PIK3CA: variants seen among roughly 807,000 people sequenced by gnomAD.
PIK3CA encodes the protein phosphatidylinositol 4,5-bisphosphate 3-kinase catalytic subunit alpha isoform.
PIK3CA carries 27 observed loss-of-function variants against 138.2 expected under a neutral mutation model. The ratio of observed to expected loss-of-function variants is 0.20; its 90% CI spans 0.14 to 0.27. PIK3CA has a LOEUF of 0.27. PIK3CA is among the 10% of genes least tolerant of loss of function. The probability of loss-of-function intolerance (pLI) is 1.00; values close to 1 mark genes in which losing one functional copy is unlikely to be tolerated. For missense variants in PIK3CA, 544 were observed against 1,277.4 expected, an observed-to-expected ratio of 0.43 and a Z score of 8.75; for synonymous variants, 358 against 413.2, an observed-to-expected ratio of 0.87 and a Z score of 1.62.
intron 6 of PIK3CA, among the ~76,000 whole-genome samples, chr3:179,209,002 A>ATATT (rs1553821940): frequency 0.052 from 7,663 of 146,938 alleles, 216 homozygotes; most frequent in Non-Finnish European, 0.057. Context: ...GAAATAATAA[A>ATATT]TATATATTTA....
chr3:179,227,399 A>T (rs572568361), intron 17 of PIK3CA, among the ~76,000 whole-genome samples: 2 of 152,210 alleles, frequency 1.3e-5, no homozygotes, highest in African/African-American at 4.8e-5. Flanking sequence ...AGAAAGAATG[A>T]GCAGGAGTAC....
At position 179,230,597 on chromosome 3, in the gene PIK3CA, A is replaced by G. The variant is rs3729694; in HGVS notation, c.2936+221A>G. Reference sequence around the variant, plus strand: ...AGAGAGAATTCATGTCTACAAAAAAATTTAAAAAGTAGCCAGGCGTGGTGG... The same window carrying G: ...AGAGAGAATTCATGTCTACAAAAAAGTTTAAAAAGTAGCCAGGCGTGGTGG... On this transcript the variant is annotated intron_variant, in intron 20 of 20. Transcript: ENST00000263967. This position sits in a 1 kb window ranked among gnomAD's most constrained non-coding sequence, Gnocchi z 5.4. Among the ~76,000 whole-genome samples the G allele has an allele frequency of 6.6e-6, 1 of 151,914 alleles. No homozygotes were observed. The highest frequency in any genetic ancestry group is 2.4e-5 in the African/African-American group (1 of 41,316).
At chr3:179,149,206 C>G (rs1722943048) in intron 1 of PIK3CA, among the ~76,000 whole-genome samples, 1 of 152,170 alleles carries the variant, frequency 6.6e-6, no homozygotes, top group African/African-American at 2.4e-5. Context: ...TTCCTTTTAG[C>G]TGAGACAAAC....
In PIK3CA at chr3:179,229,284, T is replaced by C. The variant is rs2108422421; in HGVS notation, c.2508T>C (p.Tyr836=). 7.4e-6 allele frequency: 12 copies of C among 1,611,120 alleles called. No individual in the cohort carries two copies. Among genetic ancestry groups the C allele is most frequent in the East Asian group, 2.2e-5 (1 of 44,810 alleles). ...NQGLDLRMLP[Y]GCLSIGDCVG... is the part of the protein sequence containing the mutation. ...ACTCCTCTTTCAGAATGTTACCTTA[T>C]GGTTGTCTGTCAATCGGTGACTGTG... Residue 836 remains tyrosine (Y), a synonymous_variant, in exon 18 of 21, where the codon TAT becomes TAC. Coordinates refer to ENST00000263967, the MANE Select transcript of PIK3CA (RefSeq NM_006218.4).
At chr3:179,199,974 C>G in intron 3 of PIK3CA, 75 bp downstream of exon 3, 1 of 689,010 alleles carries the variant, frequency 1.5e-6, no homozygotes, top group Non-Finnish European at 2.3e-6. Flanking sequence ...TTTGTATAGT[C>G]TTTTTTTTTT....
At chr3:179,174,776 C>T (rs1723654086) in intron 1 of PIK3CA, among the ~76,000 whole-genome samples, 1 of 152,118 alleles carries the variant, frequency 6.6e-6, no homozygotes, top group African/African-American at 2.4e-5. Context: ...ATTCAATGAC[C>T]ATATAGTAAT....
At chr3:179,169,649 C>G (rs1235571578) in intron 1 of PIK3CA, among the ~76,000 whole-genome samples, 3 of 152,158 alleles carry the variant, frequency 2.0e-5, no homozygotes, top group Admixed American at 6.5e-5. Context: ...TTTCTGAACT[C>G]AGTTCTGTTC....
At chr3:179,182,299 C>A (rs997259123) in intron 1 of PIK3CA, among the ~76,000 whole-genome samples, 2 of 152,090 alleles carry the variant, frequency 1.3e-5, no homozygotes, top group Admixed American at 6.6e-5. Context: ...TGTATTAAAT[C>A]ATTGTAAGTA....
rs1395991996 is a variant in PIK3CA at position 179,224,108 on chromosome 3, A to G, written c.2215A>G (p.Met739Val). The G allele has an allele frequency of 1.9e-6, 3 of 1,607,344 alleles. No individual in the cohort carries two copies. The highest frequency in any genetic ancestry group is 1.3e-5 in the African/African-American group (1 of 74,724). Reference protein sequence around the residue: ...KVQMKFLVEQMRRPDFMDALQ... With the variant: ...KVQMKFLVEQVRRPDFMDALQ... ...ACAGATGAAGTTTTTAGTTGAGCAA[A>G]TGAGGCGACCAGATTTCATGGATGC... Residue 739 changes from methionine to valine, a missense_variant, in exon 15 of 21, where the codon ATG becomes GTG. Physicochemically the swap from Met to Val is conservative, Grantham distance 21. Transcript: ENST00000263967.
intron 14 of PIK3CA, among the ~76,000 whole-genome samples, chr3:179,221,962 C>T (rs936340736): frequency 1.3e-5 from 2 of 151,878 alleles, no homozygotes; most frequent in Non-Finnish European, 2.9e-5. Flanking sequence ...CCCACCTCGG[C>T]CTCCCAAAGT....
chr3:179,182,261 T>C (rs1408007491), intron 1 of PIK3CA, among the ~76,000 whole-genome samples: 1 of 152,224 alleles, frequency 6.6e-6, no homozygotes, highest in Non-Finnish European at 1.5e-5. Context: ...TTTTGTCAGT[T>C]GATAAGCTTT....
At chr3:179,215,980 C>T (rs1724828035) in intron 9 of PIK3CA, among the ~76,000 whole-genome samples, 1 of 152,176 alleles carries the variant, frequency 6.6e-6, no homozygotes, top group Non-Finnish European at 1.5e-5. Context: ...CTCTACCCTA[C>T]TGCAGGCCAG....
At chr3:179,229,536 A>G in intron 18 of PIK3CA, 94 bp downstream of exon 18, 1 of 842,188 alleles carries the variant, frequency 1.2e-6, no homozygotes, top group East Asian at 2.8e-5. Context: ...AGAACAGAGA[A>G]AACAATTGTA....
chr3:179,148,536 C>G lies in PIK3CA; in HGVS notation c.-144C>G, dbSNP rs1247264126. 1 of 152,122 alleles carries G rather than the reference C, an allele frequency of 6.6e-6. No individual in the cohort carries two copies. The highest frequency in any genetic ancestry group is 1.9e-4 in the East Asian group (1 of 5,162). The allele number at this position is 152,122 out of a possible 1,614,324, so 9.4% of individuals were successfully genotyped here. ...CGCCCGCTCTCCTCTCCCTCGGCGC[C>G]GCCGCCGCCGCCCGCGGGGCTGGGA... On this transcript the variant is annotated 5_prime_UTR_variant, in exon 1 of 21. Coordinates refer to ENST00000263967, the MANE Select transcript of PIK3CA (RefSeq NM_006218.4).
intron 1 of PIK3CA, among the ~76,000 whole-genome samples, chr3:179,164,183 A>T (rs1723356005): frequency 6.6e-6 from 1 of 152,206 alleles, no homozygotes; most frequent in Non-Finnish European, 1.5e-5. Context: ...AAAGAAATAA[A>T]CCAAAAATAT....
chr3:179,178,665 T>G (rs1033547462), intron 1 of PIK3CA, among the ~76,000 whole-genome samples: 2 of 152,172 alleles, frequency 1.3e-5, no homozygotes, highest in African/African-American at 2.4e-5. Context: ...CTAGGACAAC[T>G]CACAGGACTC....
intron 17 of PIK3CA, among the ~76,000 whole-genome samples, chr3:179,228,105 A>G (rs1045674948): frequency 7.2e-5 from 11 of 152,096 alleles, no homozygotes; most frequent in Admixed American, 3.9e-4. Flanking sequence ...CAACTGTGAC[A>G]GTATTTGTTG....
At chr3:179,190,298 A>G (rs921242632) in intron 1 of PIK3CA, among the ~76,000 whole-genome samples, 1 of 145,112 alleles carries the variant, frequency 6.9e-6, no homozygotes, top group Non-Finnish European at 1.6e-5. Flanking sequence ...TGCACTATAT[A>G]TATAGTGCAC....
chr3:179,183,754 G>A (rs1473429905), intron 1 of PIK3CA, among the ~76,000 whole-genome samples: 2 of 152,166 alleles, frequency 1.3e-5, no homozygotes, highest in East Asian at 3.9e-4. Context: ...ATAATAGCAA[G>A]GATAGATAAA....
Sources: allele counts gnomAD v4.1 joint callset (sites outside exome capture counted in the v4.1 genomes callset), GRCh38; gene constraint gnomAD v4.1.1; non-coding constraint Gnocchi (gnomAD v3.1); transcripts MANE v1.5; gene names NCBI Gene and HGNC (gene_info 2026-07-23, HGNC 2026-07-21).